Variants in CFAP299 observed in about 807,000 individuals in gnomAD.
CFAP299 encodes the protein cilia and flagella associated protein 299, also known as cilia- and flagella-associated protein 299.
In CFAP299, 21 loss-of-function variants were observed where a neutral mutation model predicts 27.0. That is an observed-to-expected ratio of 0.78 (90% CI 0.55 to 1.12). The LOEUF (loss-of-function observed/expected upper bound fraction) is 1.12, where lower values mean the gene tolerates loss of function less well. CFAP299 is among the 50% of genes most tolerant of loss of function. The pLI is 0.00. For synonymous variants in CFAP299, 104 were observed against 98.1 expected (o/e 1.06, Z -0.36); for missense variants, 310 against 276.6 (o/e 1.12, Z -0.86).
chr4:80,403,144 A>G (rs1251531160), intron 2 of CFAP299, among the ~76,000 whole-genome samples: 1 of 152,238 alleles, frequency 6.6e-6, no homozygotes, highest in African/African-American at 2.4e-5. Flanking sequence ...GGATTTGGAT[A>G]GCGATAACAA....
chr4:80,408,297 T>A (rs10027362), intron 2 of CFAP299, among the ~76,000 whole-genome samples: 85,069 of 152,000 alleles, frequency 0.56, 26,827 homozygotes, highest in Non-Finnish European at 0.7. Context: ...TTTGGTTTAT[T>A]TTTGCCATTC....
chr4:80,428,265 A>T (rs1254510466), intron 2 of CFAP299, among the ~76,000 whole-genome samples: 1 of 152,194 alleles, frequency 6.6e-6, no homozygotes, highest in African/African-American at 2.4e-5. Context: ...TCTTAATTTG[A>T]GCCAAGTTCC....
chr4:80,741,443 G>A (rs909500800), intron 3 of CFAP299, among the ~76,000 whole-genome samples: 1 of 152,064 alleles, frequency 6.6e-6, no homozygotes, highest in African/African-American at 2.4e-5. Context: ...AAGGTAGTGG[G>A]TTCTCACTTG....
intron 3 of CFAP299, among the ~76,000 whole-genome samples, chr4:80,668,712 G>C (rs890510423): frequency 6.6e-6 from 1 of 152,084 alleles, no homozygotes; most frequent in Non-Finnish European, 1.5e-5. Flanking sequence ...TAGCTTTGTA[G>C]AATATTTTGA....
intron 3 of CFAP299, among the ~76,000 whole-genome samples, chr4:80,631,508 G>A (rs550570644): frequency 6.6e-6 from 1 of 151,918 alleles, no homozygotes; most frequent in Admixed American, 6.6e-5. Context: ...TAATAATTTG[G>A]CATTAATCTA....
intron 3 of CFAP299, among the ~76,000 whole-genome samples, chr4:80,640,713 T>C (rs950901595): frequency 5.9e-5 from 9 of 152,208 alleles, no homozygotes; most frequent in African/African-American, 2.2e-4. Flanking sequence ...GTCTGTTTTT[T>C]CTCTGTGTTT....
intron 2 of CFAP299, among the ~76,000 whole-genome samples, chr4:80,579,600 G>A (rs1310114851): frequency 6.6e-6 from 1 of 152,084 alleles, no homozygotes; most frequent in Non-Finnish European, 1.5e-5. Flanking sequence ...ACTAGTGAAT[G>A]ATGCCTAAAA....
chr4:80,681,154 G>A (rs1719812324), intron 3 of CFAP299, among the ~76,000 whole-genome samples: 1 of 152,148 alleles, frequency 6.6e-6, no homozygotes, highest in Admixed American at 6.5e-5. Flanking sequence ...GCATGATAGT[G>A]TTTTAATCTG....
At chr4:80,651,299 CTCTT>C (rs1296832556) in intron 3 of CFAP299, among the ~76,000 whole-genome samples, 9 of 89,818 alleles carry the variant, frequency 1.0e-4, no homozygotes, top group East Asian at 9.7e-4. Context: ...TACTCTCTCT[CTCTT>C]TCTTTCTTTC....
chr4:80,800,393 A>G (rs1382676247), intron 3 of CFAP299, among the ~76,000 whole-genome samples: 5 of 57,438 alleles, frequency 8.7e-5, no homozygotes, highest in African/African-American at 2.0e-4. Context: ...ATAATATATT[A>G]ATATAATATA....
chr4:80,608,991 A>T (rs758101221), intron 3 of CFAP299, among the ~76,000 whole-genome samples: 1 of 151,994 alleles, frequency 6.6e-6, no homozygotes, highest in East Asian at 1.9e-4. Context: ...ATAACTTGAG[A>T]TTGCCTACAT....
intron 2 of CFAP299, among the ~76,000 whole-genome samples, chr4:80,512,320 T>G (rs1422510126): frequency 2.6e-5 from 4 of 152,016 alleles, no homozygotes; most frequent in African/African-American, 9.7e-5. Flanking sequence ...AGATTCCCAC[T>G]AAGCTGAAGC....
At chr4:80,950,052 T>C (rs1392256761) in intron 5 of CFAP299, among the ~76,000 whole-genome samples, 1 of 152,112 alleles carries the variant, frequency 6.6e-6, no homozygotes, top group Non-Finnish European at 1.5e-5. Context: ...TACCAGATCA[T>C]TCAGGTACAG....
chr4:80,526,392 A>G (rs1043052715), intron 2 of CFAP299, among the ~76,000 whole-genome samples: 1 of 152,282 alleles, frequency 6.6e-6, no homozygotes, highest in Non-Finnish European at 1.5e-5. Flanking sequence ...CAGTTAAAAG[A>G]ATCTTTCATG....
intron 3 of CFAP299, among the ~76,000 whole-genome samples, chr4:80,594,746 T>A (rs1736972678): frequency 6.6e-6 from 1 of 152,166 alleles, no homozygotes; most frequent in Non-Finnish European, 1.5e-5. Flanking sequence ...CAGGATGAAT[T>A]TTTCTTTCTG....
chr4:80,853,153 C>A (rs1731623616), intron 3 of CFAP299, among the ~76,000 whole-genome samples: 1 of 152,150 alleles, frequency 6.6e-6, no homozygotes, highest in Non-Finnish European at 1.5e-5. Context: ...GTCTCAGCCT[C>A]CCAAGTAACT....
At chr4:80,567,783 C>T (rs969707064) in intron 2 of CFAP299, among the ~76,000 whole-genome samples, 7 of 149,876 alleles carry the variant, frequency 4.7e-5, no homozygotes, top group African/African-American at 9.8e-5. Flanking sequence ...TAAATACAAA[C>T]GAAAAGTTGT....
chr4:80,816,040 A>G (rs1729404472), intron 3 of CFAP299, among the ~76,000 whole-genome samples: 1 of 152,036 alleles, frequency 6.6e-6, no homozygotes, highest in Non-Finnish European at 1.5e-5. Context: ...AAAGAAAACT[A>G]TTACATATGT....
chr4:80,453,510 T>A (rs1417185027), intron 2 of CFAP299, among the ~76,000 whole-genome samples: 1 of 152,082 alleles, frequency 6.6e-6, no homozygotes, highest in Non-Finnish European at 1.5e-5. Context: ...AATAATTTAA[T>A]TTTTTTCATA....
Sources: allele counts gnomAD v4.1 joint callset (sites outside exome capture counted in the v4.1 genomes callset), GRCh38; gene constraint gnomAD v4.1.1; transcripts MANE v1.5; gene names NCBI Gene and HGNC (gene_info 2026-07-23, HGNC 2026-07-21).